NLRP14: variants seen among roughly 807,000 people sequenced by gnomAD.
NLRP14 encodes the protein NLR family pyrin domain containing 14, also known as NACHT, LRR and PYD domains-containing protein 14.
A neutral mutation model predicts 94.7 loss-of-function variants in NLRP14; 105 were observed. That is an observed-to-expected ratio of 1.11 (90% confidence interval 0.95 to 1.30). The LOEUF (loss-of-function observed/expected upper bound fraction) is 1.30. NLRP14 is among the 50% of genes most tolerant of loss of function. NLRP14 has a pLI of 0.00. For synonymous variants in NLRP14, 508 were observed against 459.9 expected (o/e 1.10, Z -1.34); for missense variants, 1,362 against 1,254.1 (o/e 1.09, Z -1.30).
intron 6 of NLRP14, among the ~76,000 whole-genome samples, chr11:7,056,382 A>T (rs1187916774): frequency 1.3e-5 from 2 of 151,846 alleles, no homozygotes; most frequent in Non-Finnish European, 2.9e-5. Context: ...TTCTTATAAA[A>T]GATTTTCTGA....
At chr11:7,066,210 T>C (rs2119707244) in intron 10 of NLRP14, among the ~76,000 whole-genome samples, 1 of 152,340 alleles carries the variant, frequency 6.6e-6, no homozygotes, top group East Asian at 1.9e-4. Flanking sequence ...TTCTTATCCT[T>C]TGGGTGTATA....
intron 8 of NLRP14, among the ~76,000 whole-genome samples, 189 bp downstream of exon 8, chr11:7,058,639 T>C (rs189826504): frequency 6.6e-6 from 1 of 152,134 alleles, no homozygotes; most frequent in African/African-American, 2.4e-5. Flanking sequence ...GTTTTAAACA[T>C]GCTTAATCTG....
chr11:7,041,078 A>C (rs1037003730), intron 3 of NLRP14, among the ~76,000 whole-genome samples: 2 of 152,148 alleles, frequency 1.3e-5, no homozygotes, highest in African/African-American at 4.8e-5. Context: ...TGATTTACTG[A>C]TTATTTTCTC....
At chr11:7,052,635 A>G (rs1230907414) in intron 6 of NLRP14, among the ~76,000 whole-genome samples, 2 of 152,198 alleles carry the variant, frequency 1.3e-5, no homozygotes, top group Non-Finnish European at 2.9e-5. Context: ...CTGTGTTTAA[A>G]AAAAAACAAA....
chr11:7,039,983 C>G (rs762947943), intron 3 of NLRP14, among the ~76,000 whole-genome samples, 198 bp downstream of exon 3: 1 of 152,164 alleles, frequency 6.6e-6, no homozygotes, highest in African/African-American at 2.4e-5. Context: ...TAATTCAGAT[C>G]CTCAAGAGAA....
At position 7,038,567 on chromosome 11, in the gene NLRP14, G is replaced by T; in HGVS notation, c.-20G>T. 6.2e-7 allele frequency: 1 copy of T among 1,612,176 alleles called. No individual in the cohort carries two copies. The highest frequency in any genetic ancestry group is 8.5e-7 in the Non-Finnish European group (1 of 1,179,344). On this transcript the variant is annotated splice_region_variant and 5_prime_UTR_variant, in exon 2 of 12. In the 5' UTR this introduces an upstream ATG that the reference lacks. Coordinates refer to ENST00000299481, the MANE Select transcript of NLRP14 (RefSeq NM_176822.4). ...TGGTTATTTTTTTTCCCCCCACAGA[G>T]GCCTGAATATTTGGACAAGATGGCA...
rs1218341263 is a variant in NLRP14, at chr11:7,038,885, G to A, written c.289+10G>A. The A allele has an allele frequency of 3.1e-6, 5 of 1,612,418 alleles. No homozygotes were observed. The highest frequency in any genetic ancestry group is 4.2e-6 in the Non-Finnish European group (5 of 1,179,676). Reference sequence around the variant, plus strand: ...AAAGAAGAGATCAACTGTGAGTGATGCTAGGGGCAAATCGGGGGCTAGGCA... The same window carrying A: ...AAAGAAGAGATCAACTGTGAGTGATACTAGGGGCAAATCGGGGGCTAGGCA... On this transcript the variant is annotated intron_variant, in intron 2 of 11. Coordinates refer to ENST00000299481, the MANE Select transcript of NLRP14 (RefSeq NM_176822.4).
In NLRP14 at chr11:7,046,807, C is replaced by A. The variant is rs752957727; in HGVS notation, c.2098C>A (p.Pro700Thr). Reference sequence around the variant, plus strand: ...TATCCTGCATCATGAACTAAGGCACCCAAACTGTAAACTACAAAAGCTACT... The same window carrying A: ...TATCCTGCATCATGAACTAAGGCACACAAACTGTAAACTACAAAAGCTACT... ...MNILHHELRHPNCKLQKLLLK... is the reference protein window; with the variant it reads ...MNILHHELRHTNCKLQKLLLK... Residue 700 changes from proline (P) to threonine (T), a missense_variant, in exon 5 of 12, where the codon CCA becomes ACA. Pro to Thr is a conservative substitution (Grantham distance 38). Coordinates refer to ENST00000299481, the MANE Select transcript of NLRP14 (RefSeq NM_176822.4). 1 of 1,613,414 alleles carries A rather than the reference C, an allele frequency of 6.2e-7. No individual in the cohort carries two copies. The highest frequency in any genetic ancestry group is 1.1e-5 in the South Asian group (1 of 91,052).
intron 10 of NLRP14, among the ~76,000 whole-genome samples, chr11:7,063,395 G>A (rs1158524908): frequency 6.6e-6 from 1 of 152,068 alleles, no homozygotes; most frequent in African/African-American, 2.4e-5. Context: ...AGAGGGTCCA[G>A]ATGGATGCCT....
At chr11:7,065,127 GC>G in intron 10 of NLRP14, among the ~76,000 whole-genome samples, 1 of 152,032 alleles carries the variant, frequency 6.6e-6, no homozygotes, top group South Asian at 2.1e-4. Flanking sequence ...CATATGTACT[GC>G]CCCCCAACCT....
intron 6 of NLRP14, among the ~76,000 whole-genome samples, chr11:7,052,119 C>A (rs1015321468): frequency 6.6e-6 from 1 of 152,152 alleles, no homozygotes; most frequent in African/African-American, 2.4e-5. Context: ...AAAACAGAAA[C>A]CTTGGCATAG....
chr11:7,027,918 G>A (rs1367568847), intron 1 of NLRP14, among the ~76,000 whole-genome samples: 2 of 152,028 alleles, frequency 1.3e-5, no homozygotes, highest in African/African-American at 4.8e-5. Flanking sequence ...CGCTCTTCAG[G>A]TTTTTCCTCT....
the NLRP14 span, chr11:7,090,432 T>C: frequency 8.4e-7 from 1 of 1,185,628 alleles, no homozygotes; most frequent in Admixed American, 2.1e-5. Context: ...CCTGTTAAGA[T>C]CGTCTCCATT....
In NLRP14 at chr11:7,043,110, C is replaced by T; in HGVS notation, c.1084C>T (p.Leu362=). 2 of 1,614,156 alleles carry T rather than the reference C, an allele frequency of 1.2e-6. No homozygotes were observed. Among genetic ancestry groups the T allele is most frequent in the Non-Finnish European group, 1.7e-6 (2 of 1,180,032 alleles). The change falls in exon 4 of 12, where the codon CTG becomes TTG. Residue 362 remains leucine (L), a synonymous_variant. Coordinates refer to ENST00000299481, the MANE Select transcript of NLRP14 (RefSeq NM_176822.4). ...VFSSLKSNEM[L]FSMCQVPLVC... is the part of the protein sequence containing the mutation. ...CAGTTCACTAAAAAGCAATGAGATG[C>T]TGTTTAGCATGTGCCAAGTCCCCCT...
At chr11:7,042,261 T>C in intron 3 of NLRP14, 127 bp from the exon 4 acceptor site, 3 of 701,322 alleles carry the variant, frequency 4.3e-6, no homozygotes, top group Non-Finnish European at 4.9e-6. Flanking sequence ...AAACCAGCTC[T>C]GATTTCAGCC....
chr11:7,031,684 G>A (rs1261673829), intron 1 of NLRP14, among the ~76,000 whole-genome samples: 1 of 152,058 alleles, frequency 6.6e-6, no homozygotes, highest in African/African-American at 2.4e-5. Flanking sequence ...GCAGGTGTTC[G>A]TCCTTCAGTC....
At chr11:7,068,389 T>C (rs1852739812) in intron 10 of NLRP14, among the ~76,000 whole-genome samples, 1 of 152,206 alleles carries the variant, frequency 6.6e-6, no homozygotes, top group Non-Finnish European at 1.5e-5. Flanking sequence ...AACTTAATCA[T>C]AAAATTTTGA....
chr11:7,069,772 G>A (rs556190090), intron 10 of NLRP14, among the ~76,000 whole-genome samples: 3 of 152,026 alleles, frequency 2.0e-5, no homozygotes, highest in African/African-American at 7.2e-5. Context: ...GATTACAGGC[G>A]CTTACCACTA....
the NLRP14 span, among the ~76,000 whole-genome samples, chr11:7,081,029 A>G: frequency 3.3e-5 from 5 of 151,994 alleles, no homozygotes; most frequent in East Asian, 9.7e-4. Flanking sequence ...CCCAGAGCGG[A>G]GTTATCTCGA....
Sources: allele counts gnomAD v4.1 joint callset (sites outside exome capture counted in the v4.1 genomes callset), GRCh38; gene constraint gnomAD v4.1.1; transcripts MANE v1.5; gene names NCBI Gene and HGNC (gene_info 2026-07-23, HGNC 2026-07-21).